Variants in DLGAP1 observed in about 807,000 individuals in gnomAD.
The protein encoded by DLGAP1 is DLG associated protein 1.
A neutral mutation model predicts 90.8 loss-of-function variants in DLGAP1; 11 were observed. The ratio of observed to expected loss-of-function variants is 0.12; its 90% CI spans 0.08 to 0.20. The LOEUF is 0.20. DLGAP1 is among the 10% of genes least tolerant of loss of function. DLGAP1 has a pLI of 1.00. For missense variants in DLGAP1, 1,050 were observed against 1,333.8 expected, an observed-to-expected ratio of 0.79 and a Z score of 3.31; for synonymous variants, 558 against 540.7, an observed-to-expected ratio of 1.03 and a Z score of -0.44.
At chr18:4,008,226 TACAC>T (rs67739004) in intron 2 of DLGAP1, among the ~76,000 whole-genome samples, 46 of 147,004 alleles carry the variant, frequency 3.1e-4, no homozygotes, top group Non-Finnish European at 3.1e-4. Context: ...TATATATATA[TACAC>T]ACACACACAC....
chr18:4,206,716 C>A (rs1420478971), intron 1 of DLGAP1, among the ~76,000 whole-genome samples: 3 of 152,168 alleles, frequency 2.0e-5, no homozygotes, highest in Admixed American at 2.0e-4. Flanking sequence ...AAGTCTTCCA[C>A]ATCACAAAGA....
intron 1 of DLGAP1, among the ~76,000 whole-genome samples, chr18:4,271,676 T>A (rs900374756): frequency 6.6e-6 from 1 of 152,214 alleles, no homozygotes; most frequent in Non-Finnish European, 1.5e-5. Context: ...CTCCACTTAA[T>A]GGTATCAGAG....
rs367782113 is a variant in DLGAP1, at chr18:3,987,372, C to A, written c.-73+17744G>T. 6.6e-5 allele frequency among the ~76,000 whole-genome samples: 10 copies of A among 152,158 alleles called. 1 individual carries two copies. The highest frequency in any genetic ancestry group is 6.2e-4 in the South Asian group (3 of 4,820). On this transcript the variant is annotated intron_variant, in intron 3 of 12. Transcript: ENST00000315677. ...TGCTACCAAAAAAAAGTTTGGAAAA[C>A]AAAAAACCCACTGGCTTCAATGGGC...
intron 2 of DLGAP1, among the ~76,000 whole-genome samples, chr18:4,115,533 T>G (rs1178055952): frequency 2.0e-5 from 3 of 150,680 alleles, no homozygotes; most frequent in African/African-American, 7.5e-5. Flanking sequence ...TTGCCCAGGC[T>G]GGAGTGCAGT....
intron 10 of DLGAP1, among the ~76,000 whole-genome samples, chr18:3,523,598 A>G (rs1036894047): frequency 2.0e-5 from 3 of 152,266 alleles, no homozygotes; most frequent in Non-Finnish European, 2.9e-5. Flanking sequence ...CTGTAATCCC[A>G]GCACTTTGGG....
rs1027283360 is a variant in DLGAP1 at position 3,711,257 on chromosome 18, G to A, written c.1591+17878C>T. Reference sequence around the variant, plus strand: ...AACTTGATAACTGGAGAGAATAAAAGCTACAGCTTGATGCCCCTTCTGTAA... The same window carrying A: ...AACTTGATAACTGGAGAGAATAAAAACTACAGCTTGATGCCCCTTCTGTAA... On this transcript the variant is annotated intron_variant, in intron 7 of 12. Coordinates refer to ENST00000315677, the MANE Select transcript of DLGAP1 (RefSeq NM_004746.4). The surrounding 1 kb of genome is among the most constrained non-coding windows in gnomAD (Gnocchi z 4.0). Among the ~76,000 whole-genome samples, 3 of 152,184 alleles carry A rather than the reference G, an allele frequency of 2.0e-5. No homozygotes were observed. Among genetic ancestry groups the A allele is most frequent in the Non-Finnish European group, 4.4e-5 (3 of 68,040 alleles).
chr18:3,655,204 TTAAG>T (rs1204171252), intron 7 of DLGAP1, among the ~76,000 whole-genome samples: 2 of 152,056 alleles, frequency 1.3e-5, no homozygotes, highest in Non-Finnish European at 2.9e-5. Flanking sequence ...CCTCCCCTGA[TTAAG>T]TGAGGATGAA....
chr18:3,969,871 T>C (rs775245585), intron 3 of DLGAP1, among the ~76,000 whole-genome samples: 1 of 152,134 alleles, frequency 6.6e-6, no homozygotes, highest in Non-Finnish European at 1.5e-5. Flanking sequence ...GAATAGAATA[T>C]GTAAAGGAAA....
At chr18:3,767,221 G>C (rs1234867214) in intron 5 of DLGAP1, among the ~76,000 whole-genome samples, 1 of 152,002 alleles carries the variant, frequency 6.6e-6, no homozygotes, top group East Asian at 1.9e-4. Context: ...ACAGATATTA[G>C]ACCTGTAATT....
intron 2 of DLGAP1, among the ~76,000 whole-genome samples, chr18:4,100,215 A>G (rs1211155262): frequency 6.6e-6 from 1 of 152,234 alleles, no homozygotes; most frequent in Admixed American, 6.5e-5. Flanking sequence ...CTTGGAAGTC[A>G]AAATTAGTCC....
chr18:4,064,301 G>T (rs4254408), intron 2 of DLGAP1, among the ~76,000 whole-genome samples: 65,805 of 151,594 alleles, frequency 0.43, 15,273 homozygotes, highest in African/African-American at 0.6. Flanking sequence ...ACCAACTGAA[G>T]GGACCCCTCT....
intron 2 of DLGAP1, among the ~76,000 whole-genome samples, chr18:4,048,484 G>C (rs989827836): frequency 6.6e-6 from 1 of 152,160 alleles, no homozygotes; most frequent in African/African-American, 2.4e-5. Context: ...GCATTTTCTT[G>C]ACAAGGCCTG....
At chr18:4,288,459 A>G (rs76360304) in intron 1 of DLGAP1, among the ~76,000 whole-genome samples, 12,086 of 152,248 alleles carry the variant, frequency 0.079, 670 homozygotes, top group Non-Finnish European at 0.11. Flanking sequence ...GTTTCTTCAA[A>G]GAACTCAAAA....
At chr18:3,810,147 T>C (rs754219512) in intron 5 of DLGAP1, among the ~76,000 whole-genome samples, 2 of 151,748 alleles carry the variant, frequency 1.3e-5, no homozygotes, top group Non-Finnish European at 1.5e-5. Flanking sequence ...GAGAAGAGAG[T>C]GACCGAAATA....
At chr18:4,102,167 T>C (rs1250708900) in intron 2 of DLGAP1, among the ~76,000 whole-genome samples, 1 of 152,210 alleles carries the variant, frequency 6.6e-6, no homozygotes, top group Non-Finnish European at 1.5e-5. Flanking sequence ...AACTTTTCTT[T>C]CTTTCCCCAA....
chr18:4,288,973 G>A (rs891367540), intron 1 of DLGAP1, among the ~76,000 whole-genome samples: 3 of 152,072 alleles, frequency 2.0e-5, no homozygotes, highest in African/African-American at 2.4e-5. Context: ...GTCATGTGGC[G>A]CCCATTGTAA....
rs373141381 is a variant in DLGAP1, at chr18:4,281,338, GAA to G, written c.-266-130053_-266-130052del. ...GACTGAGGTGGTTGGATCACCTGAG[GAA>G]AGGAGTTCGCAATCAGCCTGGCCAA... On this transcript the variant is annotated intron_variant, in intron 1 of 12. Coordinates refer to ENST00000315677, the MANE Select transcript of DLGAP1 (RefSeq NM_004746.4). Among the ~76,000 whole-genome samples the G allele has an allele frequency of 4.0e-3, 611 of 152,172 alleles. 2 individuals are homozygous for G. Among genetic ancestry groups the G allele is most frequent in the African/African-American group, 0.014 (584 of 41,520 alleles).
chr18:3,510,298 G>A (rs1325316938), intron 10 of DLGAP1, among the ~76,000 whole-genome samples: 4 of 152,202 alleles, frequency 2.6e-5, no homozygotes, highest in African/African-American at 4.8e-5. Flanking sequence ...AAGCGTTAGT[G>A]TATTTGAATT....
intron 4 of DLGAP1, among the ~76,000 whole-genome samples, chr18:3,836,095 T>C (rs1296860852): frequency 6.6e-6 from 1 of 152,188 alleles, no homozygotes; most frequent in Admixed American, 6.5e-5. Context: ...TTAACATAAG[T>C]TAAGCTGAAA....
Sources: allele counts gnomAD v4.1 joint callset (sites outside exome capture counted in the v4.1 genomes callset), GRCh38; gene constraint gnomAD v4.1.1; non-coding constraint Gnocchi (gnomAD v3.1); transcripts MANE v1.5; gene names NCBI Gene and HGNC (gene_info 2026-07-23, HGNC 2026-07-21).